Variants in ELAVL4 observed in about 807,000 individuals in gnomAD.
The protein encoded by ELAVL4 is ELAV like RNA binding protein 4, also known as ELAV-like protein 4.
In ELAVL4, 1 loss-of-function variant was observed where a neutral mutation model predicts 35.6. The observed-to-expected ratio is 0.03, with a 90% CI of 0.01 to 0.13. The LOEUF is 0.13. ELAVL4 is among the 10% of genes least tolerant of loss of function. The pLI, the probability that ELAVL4 is intolerant of heterozygous loss-of-function variation, is 1.00. For missense variants in ELAVL4, 267 were observed against 464.9 expected (o/e 0.57, Z 3.91); for synonymous variants, 156 against 171.0 (o/e 0.91, Z 0.69).
At chr1:50,089,151 C>A (rs1665381347) in intron 1 of ELAVL4, among the ~76,000 whole-genome samples, 1 of 152,122 alleles carries the variant, frequency 6.6e-6, no homozygotes, top group African/African-American at 2.4e-5. Context: ...TGGTCGCTGG[C>A]TTTGTAGAAT....
intron 1 of ELAVL4, among the ~76,000 whole-genome samples, chr1:50,120,060 A>AATAT (rs112021692): frequency 0.025 from 3,649 of 147,076 alleles, 95 homozygotes; most frequent in African/African-American, 0.067. Flanking sequence ...AGAATCAACA[A>AATAT]ATATATATAT....
At chr1:50,066,292 T>C (rs138371217) in intron 1 of ELAVL4, among the ~76,000 whole-genome samples, 4 of 152,342 alleles carry the variant, frequency 2.6e-5, no homozygotes, top group Middle Eastern at 3.4e-3. Flanking sequence ...ACATGCTAGA[T>C]ACTATCTTAG....
In ELAVL4 at chr1:50,145,169, C is replaced by A. The variant is rs758776601; in HGVS notation, c.222C>A (p.Ser74=). The change falls in exon 2 of 7, where the codon TCC becomes TCA. Residue 74 remains serine, a synonymous_variant. Transcript: ENST00000371824. The part of the protein sequence containing the change: ...SLFGSIGEIE[S]CKLVRDKITG... ...TCGGGAGCATTGGTGAAATAGAATC[C>A]TGCAAACTTGTGAGAGACAAAATTA... 1.9e-6 allele frequency: 3 copies of A among 1,613,950 alleles called. No individual in the cohort carries two copies. Among genetic ancestry groups the A allele is most frequent in the Non-Finnish European group, 2.5e-6 (3 of 1,179,904 alleles).
intron 2 of ELAVL4, among the ~76,000 whole-genome samples, chr1:50,168,666 AC>A (rs1678407032): frequency 6.6e-6 from 1 of 151,870 alleles, no homozygotes; most frequent in East Asian, 1.9e-4. Context: ...GAGTCACTAA[AC>A]TCCTTGCCAC....
At chr1:50,130,849 C>T (rs181728123) in intron 1 of ELAVL4, among the ~76,000 whole-genome samples, 48 of 152,200 alleles carry the variant, frequency 3.2e-4, no homozygotes, top group African/African-American at 1.1e-3. Flanking sequence ...GGGGCTGCTC[C>T]AATGAAGTAC....
At chr1:50,130,964 T>C (rs1670750807) in intron 1 of ELAVL4, among the ~76,000 whole-genome samples, 1 of 152,166 alleles carries the variant, frequency 6.6e-6, no homozygotes, top group Admixed American at 6.6e-5. Context: ...ATTCTGAATA[T>C]GTGTTAACAT....
intron 2 of ELAVL4, among the ~76,000 whole-genome samples, chr1:50,149,790 C>T (rs930783523): frequency 3.9e-5 from 6 of 152,156 alleles, no homozygotes; most frequent in East Asian, 1.9e-4. Flanking sequence ...GATCTGCCTG[C>T]CTCGGCCTCC....
At chr1:50,094,703 C>T (rs147668970) in intron 1 of ELAVL4, among the ~76,000 whole-genome samples, 3,751 of 151,166 alleles carry the variant, frequency 0.025, 56 homozygotes, top group Non-Finnish European at 0.038. Flanking sequence ...GTCAGGAGTT[C>T]GAGACCAGCC....
chr1:50,051,773 T>C (rs1470651866), intron 1 of ELAVL4, among the ~76,000 whole-genome samples: 1 of 152,180 alleles, frequency 6.6e-6, no homozygotes, highest in Non-Finnish European at 1.5e-5. Flanking sequence ...AGATGAATCA[T>C]ACATAGAGTA....
At position 50,201,372 on chromosome 1, in the gene ELAVL4, A is replaced by T; in HGVS notation, c.*194A>T. The T allele has an allele frequency of 6.3e-6, 3 of 479,636 alleles. No homozygotes were observed. The highest frequency in any genetic ancestry group is 3.9e-5 in the East Asian group (1 of 25,456). 29.7% of individuals were successfully genotyped at this position (479,636 alleles called of 1,614,324 possible). A position where few individuals can be genotyped will look rare whatever the true frequency, so the allele number is the denominator to read the frequency against. ...CTGAGGTGTACCAGGAAAGGATTTT[A>T]TAATGCTTAGAAAAAAAGAAAAAAA... On this transcript the variant is annotated 3_prime_UTR_variant, in exon 7 of 7. Transcript: ENST00000371824. This position sits in a 1 kb window ranked among gnomAD's most constrained non-coding sequence, Gnocchi z 4.3.
chr1:50,114,903 C>G (rs1443617493), intron 1 of ELAVL4: 1 of 152,108 alleles, frequency 6.6e-6, no homozygotes, highest in Non-Finnish European at 1.5e-5. Flanking sequence ...AATCAGCCAG[C>G]TAGCTTGCTT....
chr1:50,066,049 G>A (rs892710177), intron 1 of ELAVL4, among the ~76,000 whole-genome samples: 1 of 152,166 alleles, frequency 6.6e-6, no homozygotes, highest in Non-Finnish European at 1.5e-5. Flanking sequence ...CAGGAGTGGG[G>A]AAAGAGATTA....
At chr1:50,193,442 G>A (rs189758659) in intron 3 of ELAVL4, among the ~76,000 whole-genome samples, 2 of 151,592 alleles carry the variant, frequency 1.3e-5, no homozygotes, top group East Asian at 3.9e-4. Context: ...CCCACTTCCA[G>A]GAGGTAAATC....
intron 2 of ELAVL4, among the ~76,000 whole-genome samples, chr1:50,168,094 G>A (rs1197947027): frequency 6.6e-6 from 1 of 152,200 alleles, no homozygotes; most frequent in Non-Finnish European, 1.5e-5. Context: ...GGGCTGTAGT[G>A]CAACAGCTCT....
chr1:50,109,131 CTT>C lies in ELAVL4; in HGVS notation c.-57_-56del. 1.9e-6 allele frequency: 3 copies of C among 1,548,146 alleles called. No individual in the cohort carries two copies. The highest frequency in any genetic ancestry group is 2.6e-6 in the Non-Finnish European group (3 of 1,146,032). The stretch of plus-strand genomic sequence containing the variant: ...TCATTTTAAATATATATTCTGAAAT[CTT>C]TGCAAATTTTAACAGAAGAGTCGAA... On this transcript the variant is annotated 5_prime_UTR_variant, in exon 1 of 7. Transcript: ENST00000371824.
chr1:50,113,265 A>G (rs926693125), intron 1 of ELAVL4, among the ~76,000 whole-genome samples: 4 of 148,922 alleles, frequency 2.7e-5, no homozygotes, highest in African/African-American at 9.9e-5. Flanking sequence ...TTATTTCCTT[A>G]TTATAGGTGG....
chr1:50,060,503 A>G (rs758428315), intron 1 of ELAVL4, among the ~76,000 whole-genome samples: 13 of 152,204 alleles, frequency 8.5e-5, no homozygotes, highest in African/African-American at 3.1e-4. Flanking sequence ...CAGAGTCACA[A>G]CTTGGCTCAG....
chr1:50,189,556 C>T (rs1349627400), intron 3 of ELAVL4, among the ~76,000 whole-genome samples: 2 of 152,194 alleles, frequency 1.3e-5, no homozygotes, highest in African/African-American at 4.8e-5. Context: ...ACCAGGGTGG[C>T]AGAGGAGGGC....
chr1:50,048,326 T>C (rs769624828), intron 1 of ELAVL4: 1 of 1,125,688 alleles, frequency 8.9e-7, no homozygotes, highest in Non-Finnish European at 1.2e-6. Context: ...AGAGGGCCCT[T>C]GCAAGAGGAT....
Sources: gnomAD v4.1 joint callset for allele counts (sites outside exome capture counted in the v4.1 genomes callset) on GRCh38, gnomAD v4.1.1 for gene constraint, Gnocchi (gnomAD v3.1) non-coding constraint, MANE v1.5 for transcripts, NCBI Gene and HGNC (gene_info 2026-07-23, HGNC 2026-07-21) for gene names.